PTPRZ1: variants seen among roughly 807,000 people sequenced by gnomAD.
PTPRZ1 encodes protein tyrosine phosphatase receptor type Z1.
PTPRZ1 carries 82 observed loss-of-function variants against 214.1 expected under a neutral mutation model. That is an observed-to-expected ratio of 0.38 (90% CI 0.32 to 0.46). The LOEUF is 0.46. Ranked by LOEUF, PTPRZ1 falls within the 20% of genes least tolerant of loss-of-function variation. PTPRZ1 has a pLI of 1.00. For missense variants in PTPRZ1, 2,603 were observed against 2,748.7 expected (o/e 0.95, Z 1.19); for synonymous variants, 945 against 987.9 (o/e 0.96, Z 0.81).
intron 15 of PTPRZ1, 85 bp downstream of exon 15, chr7:122,031,644 A>G: frequency 1.1e-6 from 1 of 935,130 alleles, no homozygotes; most frequent in Non-Finnish European, 1.6e-6. Context: ...CTTGACCTAA[A>G]GACAGTGCAA....
In PTPRZ1 at chr7:122,019,260, C is replaced by T; in HGVS notation, c.4980C>T (p.Ile1660=). Residue 1660 remains isoleucine (I), a synonymous_variant, in exon 13 of 30, where the codon ATC becomes ATT. Coordinates refer to ENST00000393386, the MANE Select transcript of PTPRZ1 (RefSeq NM_002851.3). ...ICLVVLVGIL[I]YWRKCFQTAH... is the part of the protein sequence containing the mutation. ...TAGTGGTTCTTGTGGGTATTCTCATCTACTGGAGGTAAGTTGAGTATTTGT... is the reference window on the plus strand; with the variant it reads ...TAGTGGTTCTTGTGGGTATTCTCATTTACTGGAGGTAAGTTGAGTATTTGT... The T allele has an allele frequency of 6.2e-7, 1 of 1,610,940 alleles. No homozygotes were observed.
chr7:122,009,477 G>C (rs1243245498), intron 11 of PTPRZ1, among the ~76,000 whole-genome samples: 2 of 148,408 alleles, frequency 1.3e-5, no homozygotes, highest in African/African-American at 5.0e-5. Context: ...AAAAAAACTT[G>C]ATAACTTTGG....
At chr7:121,924,260 A>C (rs1194736916) in intron 1 of PTPRZ1, among the ~76,000 whole-genome samples, 1 of 152,190 alleles carries the variant, frequency 6.6e-6, no homozygotes, top group Non-Finnish European at 1.5e-5. Flanking sequence ...ATGCGTAAGC[A>C]CTTTGATAGA....
At chr7:122,042,562 T>C (rs1428683027) in intron 21 of PTPRZ1, 46 bp from the exon 22 acceptor site, 4 of 1,532,486 alleles carry the variant, frequency 2.6e-6, no homozygotes, top group East Asian at 2.3e-5. Context: ...TTCAAATTTA[T>C]TTTATGCTTA....
rs3069080 is a variant in PTPRZ1, at chr7:121,929,827, AAAATAAAT to A, written c.124+1632_124+1639del. Among the ~76,000 whole-genome samples the A allele has an allele frequency of 9.6e-3, 1,393 of 145,398 alleles. 24 individuals carry two copies. Among genetic ancestry groups the A allele is most frequent in the African/African-American group, 0.031 (1,238 of 39,428 alleles). On this transcript the variant is annotated intron_variant, in intron 2 of 29. Transcript: ENST00000393386. ...CATCTCAAAAAAAAAATAAAAATAA[AAAATAAAT>A]AAATAAATAAATAAATAAATAAATA...
intron 2 of PTPRZ1, among the ~76,000 whole-genome samples, chr7:121,948,446 T>C (rs1401313083): frequency 6.6e-6 from 1 of 152,156 alleles, no homozygotes; most frequent in Non-Finnish European, 1.5e-5. Context: ...TGAAACCCCA[T>C]GTCTATTTTA....
At chr7:122,040,062 C>G (rs1005647574) in intron 20 of PTPRZ1, among the ~76,000 whole-genome samples, 2 of 152,014 alleles carry the variant, frequency 1.3e-5, no homozygotes, top group Non-Finnish European at 2.9e-5. Context: ...TCTCTAGATG[C>G]CTGTTGTGGC....
At chr7:121,951,963 AT>A (rs11310741) in intron 2 of PTPRZ1, among the ~76,000 whole-genome samples, 54,415 of 113,406 alleles carry the variant, frequency 0.48, 10,110 homozygotes, top group African/African-American at 0.52. Flanking sequence ...TTATTTATTT[AT>A]TTTTTTTTTT....
intron 1 of PTPRZ1, among the ~76,000 whole-genome samples, chr7:121,873,960 T>C (rs1348593190): frequency 6.6e-6 from 1 of 152,252 alleles, no homozygotes; most frequent in African/African-American, 2.4e-5. Context: ...TGTACTGTAC[T>C]GTCTTTTTTG....
At chr7:121,886,227 A>G (rs1269046661) in intron 1 of PTPRZ1, among the ~76,000 whole-genome samples, 1 of 152,164 alleles carries the variant, frequency 6.6e-6, no homozygotes, top group African/African-American at 2.4e-5. Context: ...ATGCCAGACT[A>G]TGAAGTTTCA....
At chr7:121,976,344 T>C (rs1463834190) in intron 5 of PTPRZ1, 76 bp downstream of exon 5, 2 of 942,822 alleles carry the variant, frequency 2.1e-6, no homozygotes, top group South Asian at 2.2e-5. Context: ...TATCAAGACA[T>C]AGTTTCTAAC....
intron 9 of PTPRZ1, among the ~76,000 whole-genome samples, chr7:121,997,089 C>T (rs371457022): frequency 1.3e-5 from 2 of 152,164 alleles, no homozygotes; most frequent in Admixed American, 6.5e-5. Context: ...CCTCCACCAG[C>T]GCATGCGAAT....
chr7:121,894,487 C>A (rs1794727804), intron 1 of PTPRZ1, among the ~76,000 whole-genome samples: 2 of 152,150 alleles, frequency 1.3e-5, no homozygotes, highest in Admixed American at 1.3e-4. Context: ...CTCACCACAA[C>A]CTCCACCTCC....
rs1299917751 is a variant in PTPRZ1, at chr7:122,011,737, T to G, written c.2691T>G (p.Gly897=). ...SETLEFGSES[G]VLYKTLMFSQ... ...CGCTGGAATTTGGTAGTGAATCTGG[T>G]GTTCTTTATAAAACGCTTATGTTTT... The change falls in exon 12 of 30, where the codon GGT becomes GGG. Residue 897 remains glycine, a synonymous_variant. Coordinates refer to ENST00000393386, the MANE Select transcript of PTPRZ1 (RefSeq NM_002851.3). The G allele has an allele frequency of 6.2e-7, 1 of 1,614,208 alleles. No individual in the cohort carries two copies. Among genetic ancestry groups the G allele is most frequent in the Admixed American group, 1.7e-5 (1 of 60,022 alleles).
At chr7:121,985,895 G>A (rs1797751617) in intron 8 of PTPRZ1, among the ~76,000 whole-genome samples, 2 of 152,226 alleles carry the variant, frequency 1.3e-5, no homozygotes, top group Non-Finnish European at 2.9e-5. Flanking sequence ...CATAATGGAA[G>A]TAAATAAGTC....
chr7:121,950,227 A>G (rs1035407132), intron 2 of PTPRZ1, among the ~76,000 whole-genome samples: 8 of 152,318 alleles, frequency 5.3e-5, no homozygotes, highest in African/African-American at 1.9e-4. Context: ...CTAGAACAGC[A>G]TAGGAAAGAC....
rs535443930 is a variant in PTPRZ1 at position 122,051,587 on chromosome 7, G to A, written c.6178+66G>A. ...TAATAAAAGCCTTGTAGGAAATTTG[G>A]CAATATTTGTATACCTTTGGAGCAA... On this transcript the variant is annotated intron_variant, in intron 24 of 29. Transcript: ENST00000393386. 2.1e-6 allele frequency: 3 copies of A among 1,403,762 alleles called. No homozygotes were observed. In the South Asian group the frequency reaches 3.7e-5, roughly 17 times the overall value. The allele number at this position is 1,403,762 out of a possible 1,614,324, so 87.0% of individuals were successfully genotyped here.
intron 25 of PTPRZ1, 49 bp downstream of exon 25, chr7:122,051,988 T>C (rs1562883874): frequency 1.4e-6 from 2 of 1,470,086 alleles, no homozygotes; most frequent in Non-Finnish European, 1.8e-6. Flanking sequence ...GTTACAGGGA[T>C]CAAAACCAGA....
chr7:121,904,563 CAGTA>C (rs1294538924), intron 1 of PTPRZ1, among the ~76,000 whole-genome samples: 2 of 152,098 alleles, frequency 1.3e-5, no homozygotes, highest in African/African-American at 4.8e-5. Context: ...TGTTTTAACA[CAGTA>C]AGTAATCTCA....
Sources: gnomAD v4.1 joint callset for allele counts (sites outside exome capture counted in the v4.1 genomes callset) on GRCh38, gnomAD v4.1.1 for gene constraint, MANE v1.5 for transcripts, NCBI Gene and HGNC (gene_info 2026-07-23, HGNC 2026-07-21) for gene names.